TRPM3: variants seen among roughly 807,000 people sequenced by gnomAD.
The protein encoded by TRPM3 is long transient receptor potential channel 3.
In TRPM3, 77 loss-of-function variants were observed where a neutral mutation model predicts 181.2. The observed-to-expected ratio is 0.42, with a 90% confidence interval of 0.35 to 0.51. TRPM3 has a LOEUF of 0.51. Among genes scored for constraint, TRPM3 ranks in the 20% least tolerant of loss-of-function variants. The pLI is 0.01. For missense variants in TRPM3, 1,759 were observed against 2,196.7 expected (o/e 0.80, Z 3.98); for synonymous variants, 745 against 796.4 (o/e 0.94, Z 1.09).
intron 9 of TRPM3, among the ~76,000 whole-genome samples, chr9:70,656,636 G>A (rs1288298672): frequency 2.0e-5 from 3 of 152,028 alleles, no homozygotes; most frequent in Non-Finnish European, 2.9e-5. Context: ...AAATAATCTA[G>A]GTAAACAAAA....
At chr9:71,367,959 G>GTATATATATATATCGTA (rs3041718) in intron 1 of TRPM3, among the ~76,000 whole-genome samples, 2 of 138,286 alleles carry the variant, frequency 1.4e-5, no homozygotes, top group Admixed American at 1.5e-4. Context: ...GTGTGTGTGT[G>GTATATATATATATCGTA]TATATATATA....
chr9:71,396,844 T>C (rs55764749), intron 1 of TRPM3, among the ~76,000 whole-genome samples: 2,533 of 151,722 alleles, frequency 0.017, 30 homozygotes, highest in Middle Eastern at 0.027. Flanking sequence ...CACGTGCCTG[T>C]AGTCCCAGCT....
chr9:71,162,254 C>A (rs915954226), intron 1 of TRPM3, among the ~76,000 whole-genome samples: 1 of 148,724 alleles, frequency 6.7e-6, no homozygotes, highest in Non-Finnish European at 1.5e-5. Context: ...GAAATAGCTG[C>A]ATTGTGGATT....
At chr9:71,436,134 C>T (rs2094030960) in intron 1 of TRPM3, among the ~76,000 whole-genome samples, 1 of 152,060 alleles carries the variant, frequency 6.6e-6, no homozygotes, top group African/African-American at 2.4e-5. Flanking sequence ...ATGGGTTTAT[C>T]AGGGGTTTCT....
intron 1 of TRPM3, among the ~76,000 whole-genome samples, chr9:71,032,294 T>C (rs2057627477): frequency 2.1e-5 from 3 of 145,878 alleles, no homozygotes; most frequent in African/African-American, 5.1e-5. Context: ...TAAATCTACA[T>C]ACATTTAATA....
intron 1 of TRPM3, among the ~76,000 whole-genome samples, chr9:71,414,245 A>T (rs1313240259): frequency 1.3e-5 from 2 of 152,032 alleles, no homozygotes; most frequent in South Asian, 2.1e-4. Flanking sequence ...TCTAAGAGAG[A>T]CCATGGAAAT....
intron 7 of TRPM3, among the ~76,000 whole-genome samples, chr9:70,772,595 T>A (rs1194761130): frequency 6.6e-6 from 1 of 152,170 alleles, no homozygotes; most frequent in African/African-American, 2.4e-5. Context: ...TGTGCTAGGA[T>A]TACAAGCGTG....
chr9:71,366,759 A>G (rs2092348540), intron 1 of TRPM3, among the ~76,000 whole-genome samples: 1 of 152,148 alleles, frequency 6.6e-6, no homozygotes, highest in Non-Finnish European at 1.5e-5. Flanking sequence ...AGTAATTTCA[A>G]TGCAGATTAC....
rs556096999 is a variant in TRPM3 at position 70,761,697 on chromosome 9, C to T, written c.1176G>A (p.Gln392=). The T allele has an allele frequency of 6.2e-7, 1 of 1,612,810 alleles. No homozygotes were observed. Among genetic ancestry groups the T allele is most frequent in the East Asian group, 2.2e-5 (1 of 44,796 alleles). The part of the protein sequence containing the change: ...GGLINESLRD[Q]LLVTIQKTFT... ...AAGTCTTCTGTATAGTCACCAACAG[C>T]TGGTCCCTCAAAGATTCATTTATCA... Residue 392 remains glutamine (Q), a synonymous_variant, in exon 8 of 26, where the codon CAG becomes CAA. Coordinates refer to ENST00000677713, the MANE Select transcript of TRPM3 (RefSeq NM_001366145.2).
rs112370700 is a variant in TRPM3 at position 71,338,916 on chromosome 9, C to A, written c.183+107737G>T. ...AGGTGTTAACCAATTCAATTAGACA[C>A]GAAACAGGAAGAAATGAAACTATCT... On this transcript the variant is annotated intron_variant, in intron 1 of 24. Transcript: ENST00000357533. Among the ~76,000 whole-genome samples, 874 of 152,026 alleles carry A rather than the reference C, an allele frequency of 5.7e-3. 14 individuals are homozygous for A. The highest frequency in any genetic ancestry group is 0.02 in the African/African-American group (838 of 41,470).
intron 1 of TRPM3, among the ~76,000 whole-genome samples, chr9:71,134,550 CA>C (rs71352343): frequency 1.2e-4 from 15 of 120,780 alleles, no homozygotes; most frequent in African/African-American, 2.9e-4. Context: ...TGCTCCATCT[CA>C]AAAAAAAAAA....
intron 22 of TRPM3, among the ~76,000 whole-genome samples, chr9:70,553,947 C>G (rs1434523193): frequency 6.6e-6 from 1 of 152,046 alleles, no homozygotes; most frequent in Admixed American, 6.5e-5. Context: ...GAGGGGTGAT[C>G]GGCCGTGATC....
chr9:71,159,635 C>T (rs1024102720), intron 1 of TRPM3, among the ~76,000 whole-genome samples: 7 of 151,980 alleles, frequency 4.6e-5, no homozygotes, highest in Non-Finnish European at 7.4e-5. Flanking sequence ...TAAAAGGGTA[C>T]GAGCCCTTTT....
At chr9:70,558,666 G>A (rs1375048398) in intron 22 of TRPM3, among the ~76,000 whole-genome samples, 1 of 152,140 alleles carries the variant, frequency 6.6e-6, no homozygotes, top group African/African-American at 2.4e-5. Flanking sequence ...AATGCAGCTG[G>A]GAAACTTTGG....
intron 1 of TRPM3, among the ~76,000 whole-genome samples, chr9:71,265,218 T>C (rs2083306325): frequency 6.6e-6 from 1 of 152,208 alleles, no homozygotes; most frequent in African/African-American, 2.4e-5. Context: ...AGTATCAAAA[T>C]TTTAAATGGC....
intron 1 of TRPM3, among the ~76,000 whole-genome samples, chr9:71,149,007 C>T (rs1474089331): frequency 6.6e-6 from 1 of 152,012 alleles, no homozygotes; most frequent in Admixed American, 6.6e-5. Context: ...AAATAGCATA[C>T]ATAGAGATAT....
At chr9:71,307,596 G>T (rs547124137) in intron 1 of TRPM3, among the ~76,000 whole-genome samples, 1 of 152,186 alleles carries the variant, frequency 6.6e-6, no homozygotes, top group African/African-American at 2.4e-5. Context: ...GGGGGAAGAG[G>T]TTATGTGTAT....
rs372716655 is a variant in TRPM3, at chr9:71,024,890, A to G, written c.177+96288T>C. ...GAGGACCTGATCCTCTGTATCTCTA[A>G]TTTCTAAAGCTGTTTGAAAAAAAGG... On this transcript the variant is annotated intron_variant, in intron 1 of 25. Transcript: ENST00000677713. Among the ~76,000 whole-genome samples the G allele has an allele frequency of 2.6e-5, 4 of 152,200 alleles. No homozygotes were observed. In the South Asian group the frequency reaches 8.3e-4, roughly 32 times the overall value.
At chr9:71,326,643 C>T (rs1012780054) in intron 1 of TRPM3, among the ~76,000 whole-genome samples, 12 of 152,238 alleles carry the variant, frequency 7.9e-5, no homozygotes, top group South Asian at 2.1e-4. Flanking sequence ...AATATTCACC[C>T]GCATTGATAC....
Sources: gnomAD v4.1 joint callset for allele counts (sites outside exome capture counted in the v4.1 genomes callset) on GRCh38, gnomAD v4.1.1 for gene constraint, MANE v1.5 for transcripts, NCBI Gene and HGNC (gene_info 2026-07-23, HGNC 2026-07-21) for gene names.